Variants in FGF14 observed in about 807,000 individuals in gnomAD.
FGF14 encodes the protein fibroblast growth factor homologous factor 4.
In FGF14, 5 loss-of-function variants were observed where a neutral mutation model predicts 25.5. The ratio of observed to expected loss-of-function variants is 0.20; its 90% CI spans 0.10 to 0.41. The LOEUF (loss-of-function observed/expected upper bound fraction) is 0.41. FGF14 is among the 10% of genes least tolerant of loss of function. The probability of loss-of-function intolerance (pLI) is 1.00; values close to 1 mark genes in which losing one functional copy is unlikely to be tolerated. For synonymous variants in FGF14, 138 were observed against 118.3 expected (o/e 1.17, Z -1.08); for missense variants, 222 against 320.1 (o/e 0.69, Z 2.34).
intron 1 of FGF14, among the ~76,000 whole-genome samples, chr13:102,064,904 T>C (rs1203589462): frequency 2.6e-5 from 4 of 152,004 alleles, no homozygotes; most frequent in Admixed American, 2.6e-4. Context: ...TTAGCATTCA[T>C]AGAAGTTCCT....
chr13:102,133,104 CATTT>C (rs1389858365), intron 1 of FGF14, among the ~76,000 whole-genome samples: 1 of 152,166 alleles, frequency 6.6e-6, no homozygotes, highest in African/African-American at 2.4e-5. Context: ...ATCTTCAACA[CATTT>C]ATTTTCATCA....
At chr13:102,384,875 AAAAC>A (rs1410333097) in intron 1 of FGF14, among the ~76,000 whole-genome samples, 13 of 152,226 alleles carry the variant, frequency 8.5e-5, no homozygotes, top group Admixed American at 1.3e-4. Flanking sequence ...AGGAAAACTA[AAAAC>A]AAACAAACAA....
At chr13:101,840,912 C>G (rs2043163605) in intron 3 of FGF14, among the ~76,000 whole-genome samples, 2 of 151,894 alleles carry the variant, frequency 1.3e-5, no homozygotes, top group Admixed American at 1.3e-4. Flanking sequence ...ATGCCATTAT[C>G]GGGGCAATTA....
At chr13:102,388,018 G>A (rs896250461) in intron 1 of FGF14, among the ~76,000 whole-genome samples, 9 of 152,118 alleles carry the variant, frequency 5.9e-5, no homozygotes, top group African/African-American at 1.9e-4. Flanking sequence ...ACGAGCCACC[G>A]TGCCCAGGCC....
At chr13:102,378,635 A>ATCTATCTATCTATC (rs1206805030) in intron 1 of FGF14, among the ~76,000 whole-genome samples, 1 of 119,496 alleles carries the variant, frequency 8.4e-6, no homozygotes, top group African/African-American at 2.9e-5. Context: ...ATCTATCTAT[A>ATCTATCTATCTATC]TATATATATA....
intron 3 of FGF14, among the ~76,000 whole-genome samples, chr13:101,772,413 C>CTA (rs1441483006): frequency 8.4e-5 from 11 of 130,872 alleles, no homozygotes; most frequent in African/African-American, 3.2e-4. Context: ...TGTCTTTAAA[C>CTA]TATAGTATCA....
intron 1 of FGF14, among the ~76,000 whole-genome samples, chr13:102,039,904 C>A (rs1402257906): frequency 6.6e-6 from 1 of 151,990 alleles, no homozygotes; most frequent in South Asian, 2.1e-4. Context: ...AATTCTGCTT[C>A]GAGGCTCATC....
chr13:102,189,041 A>G (rs932353662), intron 1 of FGF14, among the ~76,000 whole-genome samples: 4 of 67,632 alleles, frequency 5.9e-5, no homozygotes, highest in Non-Finnish European at 9.9e-5. Flanking sequence ...AAAGAAAGAA[A>G]GAGAAAGAAT....
At chr13:102,158,189 T>C (rs1437726802) in intron 1 of FGF14, among the ~76,000 whole-genome samples, 1 of 152,212 alleles carries the variant, frequency 6.6e-6, no homozygotes, top group Non-Finnish European at 1.5e-5. Flanking sequence ...CAAAGGATTA[T>C]AAATCATGCT....
intron 1 of FGF14, 136 bp downstream of exon 1, chr13:101,916,317 A>G (rs2139124073): frequency 9.3e-7 from 1 of 1,075,820 alleles, no homozygotes; most frequent in Admixed American, 1.9e-5. Context: ...CCGCGACGGC[A>G]CCCAGAGTGC....
At chr13:102,375,727 A>G (rs921069353) in intron 1 of FGF14, among the ~76,000 whole-genome samples, 1 of 152,194 alleles carries the variant, frequency 6.6e-6, no homozygotes, top group South Asian at 2.1e-4. Flanking sequence ...TCTAGTCTCA[A>G]GAGAACCCAA....
At chr13:102,177,317 C>A (rs1222915941) in intron 1 of FGF14, among the ~76,000 whole-genome samples, 5 of 152,192 alleles carry the variant, frequency 3.3e-5, no homozygotes, top group African/African-American at 1.2e-4. Context: ...GGAAGCTACA[C>A]AGTGTCTGCT....
At chr13:102,230,986 T>C (rs1206812521) in intron 1 of FGF14, among the ~76,000 whole-genome samples, 4 of 152,200 alleles carry the variant, frequency 2.6e-5, no homozygotes, top group Non-Finnish European at 5.9e-5. Flanking sequence ...TCAGAGGTAG[T>C]AAGTGGAGAA....
chr13:102,097,922 C>T (rs538456022), intron 1 of FGF14, among the ~76,000 whole-genome samples: 10 of 152,332 alleles, frequency 6.6e-5, no homozygotes, highest in African/African-American at 2.4e-4. Context: ...TCCCATTCGT[C>T]ACCATCAGCA....
chr13:102,238,450 A>G (rs1014772498), intron 1 of FGF14, among the ~76,000 whole-genome samples: 5 of 152,216 alleles, frequency 3.3e-5, no homozygotes, highest in African/African-American at 1.2e-4. Context: ...TTTCATCAGC[A>G]TGCTTGACAC....
intron 1 of FGF14, among the ~76,000 whole-genome samples, chr13:102,221,345 G>A (rs1275314495): frequency 2.0e-5 from 3 of 152,068 alleles, no homozygotes; most frequent in African/African-American, 4.8e-5. Flanking sequence ...AGGACGGAAG[G>A]TTAAATTTTA....
chr13:101,893,820 ATCAGTTTATGTTCTT>A (rs1158976944), intron 1 of FGF14, among the ~76,000 whole-genome samples: 66 of 152,122 alleles, frequency 4.3e-4, no homozygotes, highest in Non-Finnish European at 4.4e-5. Context: ...CTATAAGATA[ATCAGTTTATGTTCTT>A]TCAAGCCATT....
chr13:102,394,614 C>G (rs1440928028), intron 1 of FGF14: 1 of 152,326 alleles, frequency 6.6e-6, no homozygotes, highest in African/African-American at 2.4e-5. Flanking sequence ...CTCCAACGGG[C>G]CGCTTCCGCC....
Position 101,714,428 on chromosome 13 carries a change from G to GTAATT in FGF14, c.*8398_*8402dup, listed in dbSNP as rs756593896. 2 of 1,502,988 alleles carry GTAATT rather than the reference G, an allele frequency of 1.3e-6. No individual in the cohort carries two copies. Among genetic ancestry groups the GTAATT allele is most frequent in the African/African-American group, 2.7e-5 (2 of 72,900 alleles). The allele number at this position is 1,502,988 out of a possible 1,614,324, so 93.1% of individuals were successfully genotyped here. On this transcript the variant is annotated 3_prime_UTR_variant, in exon 5 of 5. Coordinates refer to ENST00000376143, the MANE Select transcript of FGF14 (RefSeq NM_004115.4). Reference sequence around the variant, plus strand: ...AAGGTGATGGTGAGTAATAGCCTTTGTAATTTCAGGTTCTTGTCATTGTGG... The same window carrying GTAATT: ...AAGGTGATGGTGAGTAATAGCCTTTGTAATTTAATTTCAGGTTCTTGTCATTGTGG...
Sources: gnomAD v4.1 joint callset for allele counts (sites outside exome capture counted in the v4.1 genomes callset) on GRCh38, gnomAD v4.1.1 for gene constraint, MANE v1.5 for transcripts, NCBI Gene and HGNC (gene_info 2026-07-23, HGNC 2026-07-21) for gene names.